TNIK: variants seen among roughly 807,000 people sequenced by gnomAD.
TNIK encodes the protein TRAF2 and NCK-interacting protein kinase.
TNIK carries 49 observed loss-of-function variants against 191.3 expected under a neutral mutation model. The ratio of observed to expected loss-of-function variants is 0.26; its 90% CI spans 0.20 to 0.32. The LOEUF is 0.32. Ranked by LOEUF, TNIK falls within the 10% of genes least tolerant of loss-of-function variation. The pLI, the probability that TNIK is intolerant of heterozygous loss-of-function variation, is 1.00. For missense variants in TNIK, 1,155 were observed against 1,702.3 expected (o/e 0.68, Z 5.66); for synonymous variants, 594 against 600.9 (o/e 0.99, Z 0.17).
At chr3:171,230,459 G>C (rs1743480406) in intron 2 of TNIK, among the ~76,000 whole-genome samples, 1 of 152,144 alleles carries the variant, frequency 6.6e-6, no homozygotes. Flanking sequence ...ACCTGTAACA[G>C]GATACAGACA....
rs368134216 is a variant in TNIK, at chr3:171,204,576, T to A, written c.306+6540A>T. Among the ~76,000 whole-genome samples, 7 of 152,284 alleles carry A rather than the reference T, an allele frequency of 4.6e-5. No individual in the cohort carries two copies. The East Asian group carries it at 9.6e-4, about 21-fold the overall frequency. The stretch of plus-strand genomic sequence containing the variant: ...AACAAAATGCCACTAGTCTGAAGAG[T>A]CAACTATCTATGACCTTTGCAATTA... On this transcript the variant is annotated intron_variant, in intron 4 of 32. Coordinates refer to ENST00000436636, the MANE Select transcript of TNIK (RefSeq NM_015028.4).
chr3:171,118,363 C>A (rs1050632895), intron 18 of TNIK, among the ~76,000 whole-genome samples: 6 of 152,254 alleles, frequency 3.9e-5, no homozygotes, highest in African/African-American at 1.4e-4. Flanking sequence ...GCCATACTGC[C>A]CAAGGTAATT....
chr3:171,270,550 TA>T (rs1448921279), intron 2 of TNIK, among the ~76,000 whole-genome samples: 3 of 152,206 alleles, frequency 2.0e-5, no homozygotes, highest in African/African-American at 4.8e-5. Context: ...AGACCCAAAG[TA>T]AAATTCGTCT....
chr3:171,453,996 T>C (rs574792739), intron 1 of TNIK, among the ~76,000 whole-genome samples: 38 of 152,358 alleles, frequency 2.5e-4, no homozygotes, highest in African/African-American at 8.7e-4. Flanking sequence ...CTTATATTTA[T>C]ATGTGCAGAA....
intron 1 of TNIK, among the ~76,000 whole-genome samples, chr3:171,409,756 C>T (rs1407886813): frequency 6.7e-6 from 1 of 148,174 alleles, no homozygotes; most frequent in Non-Finnish European, 1.5e-5. Flanking sequence ...TAATCATTTT[C>T]AATTGTCATT....
intron 2 of TNIK, among the ~76,000 whole-genome samples, chr3:171,348,832 T>C (rs1179164987): frequency 6.6e-6 from 1 of 152,044 alleles, no homozygotes; most frequent in Non-Finnish European, 1.5e-5. Context: ...GTGGTCCAAA[T>C]ACCAACATGA....
chr3:171,413,676 A>G (rs930522496), intron 1 of TNIK, among the ~76,000 whole-genome samples: 1 of 152,168 alleles, frequency 6.6e-6, no homozygotes. Context: ...TTTCATTTCT[A>G]CATAATTTAC....
chr3:171,242,583 C>T (rs1384583421), intron 2 of TNIK, among the ~76,000 whole-genome samples: 1 of 151,890 alleles, frequency 6.6e-6, no homozygotes, highest in Non-Finnish European at 1.5e-5. Context: ...TCACTGGTGG[C>T]TTCTGTCTGC....
chr3:171,427,807 G>A (rs937784837), intron 1 of TNIK, among the ~76,000 whole-genome samples: 3 of 152,146 alleles, frequency 2.0e-5, no homozygotes, highest in Admixed American at 2.0e-4. Context: ...CAGGTGATAA[G>A]CGCCATGGAG....
chr3:171,311,057 T>C (rs916487444), intron 2 of TNIK, among the ~76,000 whole-genome samples: 18 of 152,034 alleles, frequency 1.2e-4, no homozygotes, highest in African/African-American at 4.1e-4. Context: ...AAAATTCTGG[T>C]GGGATGGTGA....
chr3:171,408,058 T>TA (rs532706456), intron 1 of TNIK, among the ~76,000 whole-genome samples: 16 of 152,242 alleles, frequency 1.1e-4, no homozygotes, highest in African/African-American at 3.4e-4. Flanking sequence ...CATAAGACAG[T>TA]ATAATGGGAC....
At chr3:171,280,631 A>T (rs758789352) in intron 2 of TNIK, among the ~76,000 whole-genome samples, 5 of 148,360 alleles carry the variant, frequency 3.4e-5, no homozygotes, top group Non-Finnish European at 7.5e-5. Flanking sequence ...GACACTATGA[A>T]GTCTAAACTG....
chr3:171,168,168 G>A (rs1560208401), intron 9 of TNIK, among the ~76,000 whole-genome samples: 1 of 152,194 alleles, frequency 6.6e-6, no homozygotes, highest in Non-Finnish European at 1.5e-5. Context: ...CATGAGTTAA[G>A]CACGCATGTT....
chr3:171,232,432 T>A (rs1228682077), intron 2 of TNIK, among the ~76,000 whole-genome samples: 1 of 152,036 alleles, frequency 6.6e-6, no homozygotes, highest in Admixed American at 6.6e-5. Flanking sequence ...TTTAAAAAAA[T>A]TCTCCATGAA....
At chr3:171,232,340 T>C (rs1408096822) in intron 2 of TNIK, among the ~76,000 whole-genome samples, 1 of 146,040 alleles carries the variant, frequency 6.8e-6, no homozygotes, top group Non-Finnish European at 1.5e-5. Context: ...AATGTATGAA[T>C]GAAAAAAAAA....
At chr3:171,386,197 T>A (rs1718707537) in intron 1 of TNIK, among the ~76,000 whole-genome samples, 1 of 152,218 alleles carries the variant, frequency 6.6e-6, no homozygotes, top group Non-Finnish European at 1.5e-5. Flanking sequence ...TGTTGTTTAC[T>A]TTTTCTTGTG....
At chr3:171,439,952 G>A (rs930941323) in intron 1 of TNIK, among the ~76,000 whole-genome samples, 6 of 152,328 alleles carry the variant, frequency 3.9e-5, no homozygotes, top group East Asian at 1.9e-4. Context: ...GCTGCTCCGA[G>A]GGAAGGGCCA....
chr3:171,246,485 A>G (rs1346104583), intron 2 of TNIK, among the ~76,000 whole-genome samples: 2 of 152,336 alleles, frequency 1.3e-5, no homozygotes, highest in South Asian at 4.1e-4. Context: ...ATCACAGCCC[A>G]TTATGCTGTT....
chr3:171,419,679 G>A (rs565121185), intron 1 of TNIK, among the ~76,000 whole-genome samples: 12 of 152,304 alleles, frequency 7.9e-5, no homozygotes, highest in Middle Eastern at 3.4e-3. Context: ...ACTCTGTGAC[G>A]TGGGGAGAGC....
Sources: allele counts gnomAD v4.1 joint callset (sites outside exome capture counted in the v4.1 genomes callset), GRCh38; gene constraint gnomAD v4.1.1; transcripts MANE v1.5; gene names NCBI Gene and HGNC (gene_info 2026-07-23, HGNC 2026-07-21).